CCDC146: variants seen among roughly 807,000 people sequenced by gnomAD.
CCDC146 encodes coiled-coil domain-containing protein 146.
Under a neutral mutation model 119.3 loss-of-function variants are expected in CCDC146, and 92 were observed. The observed-to-expected ratio is 0.77, with a 90% confidence interval of 0.65 to 0.92. The LOEUF is 0.92. Ranked by LOEUF, CCDC146 falls within the 40% of genes least tolerant of loss-of-function variation. The pLI, the probability that CCDC146 is intolerant of heterozygous loss-of-function variation, is 0.00. For synonymous variants in CCDC146, 372 were observed against 371.8 expected, an observed-to-expected ratio of 1.00 and a Z score of -0.01; for missense variants, 1,000 against 1,103.0, an observed-to-expected ratio of 0.91 and a Z score of 1.32.
chr7:77,250,135 T>A (rs73705197), intron 4 of CCDC146, among the ~76,000 whole-genome samples: 6,020 of 152,322 alleles, frequency 0.04, 406 homozygotes, highest in African/African-American at 0.14. Flanking sequence ...TGTCATTCAT[T>A]TCACTTACAC....
At chr7:77,269,102 T>C (rs912585012) in intron 9 of CCDC146, among the ~76,000 whole-genome samples, 1 of 152,230 alleles carries the variant, frequency 6.6e-6, no homozygotes, top group Non-Finnish European at 1.5e-5. Flanking sequence ...GGATTCCTTT[T>C]ACGCAGATGT....
chr7:77,243,275 G>A (rs1386324226), intron 4 of CCDC146, among the ~76,000 whole-genome samples: 1 of 152,186 alleles, frequency 6.6e-6, no homozygotes, highest in Non-Finnish European at 1.5e-5. Context: ...ACTGAGATGG[G>A]AAGGAGACAA....
At chr7:77,146,149 A>T (rs1345624270) in intron 1 of CCDC146, among the ~76,000 whole-genome samples, 5 of 151,900 alleles carry the variant, frequency 3.3e-5, no homozygotes, top group Admixed American at 1.3e-4. Flanking sequence ...TGTTGAATTG[A>T]TCCCTTTACC....
At chr7:77,242,285 C>A in intron 4 of CCDC146, 1 of 637,416 alleles carries the variant, frequency 1.6e-6, no homozygotes, top group Non-Finnish European at 2.0e-6. Context: ...CACTTCTCCC[C>A]ACATGCATTT....
intron 1 of CCDC146, among the ~76,000 whole-genome samples, chr7:77,129,843 C>T (rs896503241): frequency 4.6e-5 from 7 of 152,080 alleles, no homozygotes; most frequent in Non-Finnish European, 8.8e-5. Context: ...TTTCATTCTT[C>T]AAACATATTT....
chr7:77,182,081 A>G (rs183975393), intron 2 of CCDC146, among the ~76,000 whole-genome samples: 4 of 152,336 alleles, frequency 2.6e-5, no homozygotes, highest in Admixed American at 2.6e-4. Context: ...GGTGGAGGCA[A>G]ACAGATACAT....
At chr7:77,211,074 C>T (rs1394689159) in intron 2 of CCDC146, among the ~76,000 whole-genome samples, 4 of 152,168 alleles carry the variant, frequency 2.6e-5, no homozygotes, top group African/African-American at 7.2e-5. Flanking sequence ...ATTAGATATA[C>T]ATTAGGGTAT....
chr7:77,258,628 C>G (rs1793227147), intron 6 of CCDC146, among the ~76,000 whole-genome samples: 1 of 152,174 alleles, frequency 6.6e-6, no homozygotes, highest in Admixed American at 6.5e-5. Context: ...GTAGGCTAGG[C>G]TAAGCTATGA....
chr7:77,161,228 G>C (rs1240305578), intron 1 of CCDC146, among the ~76,000 whole-genome samples: 2 of 152,178 alleles, frequency 1.3e-5, no homozygotes, highest in Non-Finnish European at 2.9e-5. Flanking sequence ...AGTCAGTGTG[G>C]TGATTCCTCA....
At chr7:77,205,617 A>G (rs1792068520) in intron 2 of CCDC146, among the ~76,000 whole-genome samples, 1 of 152,136 alleles carries the variant, frequency 6.6e-6, no homozygotes. Flanking sequence ...AAATTAGCCA[A>G]GCATGATGGT....
In CCDC146 at chr7:77,138,335, C is replaced by CA. The variant is rs201351498; in HGVS notation, c.-12+15612dup. 1.1e-3 allele frequency among the ~76,000 whole-genome samples: 159 copies of CA among 142,002 alleles called. 1 individual carries two copies. The highest frequency in any genetic ancestry group is 3.5e-3 in the African/African-American group (137 of 38,932). 93.2% of individuals were successfully genotyped at this position (142,002 alleles called of 152,430 possible). Reference sequence around the variant, plus strand: ...ATTGGAAGAACTGGACATGTACATGCAAAAAAAAATGAATCTAAACACAGT... The same window carrying CA: ...ATTGGAAGAACTGGACATGTACATGCAAAAAAAAAATGAATCTAAACACAGT... On this transcript the variant is annotated intron_variant, in intron 1 of 18. Coordinates refer to ENST00000285871, the MANE Select transcript of CCDC146 (RefSeq NM_020879.3).
intron 1 of CCDC146, among the ~76,000 whole-genome samples, chr7:77,161,502 T>C (rs1429546408): frequency 1.3e-5 from 2 of 151,502 alleles, no homozygotes; most frequent in African/African-American, 2.4e-5. Context: ...ATGGATGAAA[T>C]TGGAAATCAT....
intron 5 of CCDC146, 94 bp from the exon 6 acceptor site, chr7:77,256,239 C>A: frequency 2.4e-6 from 2 of 848,946 alleles, no homozygotes; most frequent in Admixed American, 3.3e-5. Context: ...CAAATATAAT[C>A]AAAATGGTGG....
At chr7:77,200,613 C>G (rs1368131696) in intron 2 of CCDC146, among the ~76,000 whole-genome samples, 3 of 152,222 alleles carry the variant, frequency 2.0e-5, no homozygotes, top group Non-Finnish European at 2.9e-5. Context: ...CTGAACTTCT[C>G]TTGCCTACAG....
At chr7:77,207,361 A>G (rs1792099915) in intron 2 of CCDC146, among the ~76,000 whole-genome samples, 1 of 152,170 alleles carries the variant, frequency 6.6e-6, no homozygotes, top group African/African-American at 2.4e-5. Flanking sequence ...AACAGATGTA[A>G]AATTGCTTGG....
chr7:77,182,296 C>T (rs1791601728), intron 2 of CCDC146, among the ~76,000 whole-genome samples: 1 of 152,170 alleles, frequency 6.6e-6, no homozygotes, highest in Admixed American at 6.5e-5. Context: ...TTAGGTCTAG[C>T]TTTGTATGTT....
chr7:77,129,355 A>G (rs891746408), intron 1 of CCDC146, among the ~76,000 whole-genome samples: 2 of 152,024 alleles, frequency 1.3e-5, no homozygotes, highest in Non-Finnish European at 1.5e-5. Flanking sequence ...GCTCCAAAGC[A>G]CAAGAGTAGT....
intron 1 of CCDC146, among the ~76,000 whole-genome samples, chr7:77,126,733 C>T (rs538039499): frequency 5.3e-5 from 8 of 152,088 alleles, no homozygotes; most frequent in Non-Finnish European, 1.0e-4. Context: ...CTTTGGCCAT[C>T]GTCTGCCCTG....
intron 3 of CCDC146, among the ~76,000 whole-genome samples, chr7:77,239,908 T>C (rs1162470820): frequency 2.0e-5 from 3 of 152,200 alleles, no homozygotes; most frequent in Admixed American, 6.5e-5. Context: ...ACTGGGGTTG[T>C]AGGAATCTCC....
Sources: gnomAD v4.1 joint callset for allele counts (sites outside exome capture counted in the v4.1 genomes callset) on GRCh38, gnomAD v4.1.1 for gene constraint, MANE v1.5 for transcripts, NCBI Gene and HGNC (gene_info 2026-07-23, HGNC 2026-07-21) for gene names.